The following MAN2A1 variants were observed in gnomAD, a reference collection of about 807,000 sequenced individuals.
MAN2A1 encodes the protein mannosidase alpha class 2A member 1.
MAN2A1 carries 76 observed loss-of-function variants against 142.6 expected under a neutral mutation model. The observed-to-expected ratio is 0.53, with a 90% CI of 0.44 to 0.65. MAN2A1 has a LOEUF of 0.65. Among genes scored for constraint, MAN2A1 ranks in the 30% least tolerant of loss-of-function variants. The pLI, the probability that MAN2A1 is intolerant of heterozygous loss-of-function variation, is 0.00. For missense variants in MAN2A1, 1,311 were observed against 1,365.1 expected (o/e 0.96, Z 0.62); for synonymous variants, 559 against 473.2 (o/e 1.18, Z -2.35).
chr5:109,789,877 C>T (rs1753693042), intron 12 of MAN2A1, among the ~76,000 whole-genome samples: 1 of 151,690 alleles, frequency 6.6e-6, no homozygotes, highest in Admixed American at 6.6e-5. Flanking sequence ...TCATTAATCC[C>T]TGATCCTATT....
In MAN2A1 at chr5:109,752,859, A is replaced by G. The variant is rs1015974; in HGVS notation, c.708-2470A>G. On this transcript the variant is annotated intron_variant, in intron 4 of 21. Coordinates refer to ENST00000261483, the MANE Select transcript of MAN2A1 (RefSeq NM_002372.4). ...CCCAGGCATCATGGAGGAGAAATGG[A>G]TTATTAACAAATGGAGCTGGGAAAA... Among the ~76,000 whole-genome samples, 1,717 of 152,294 alleles carry G rather than the reference A, an allele frequency of 0.011. 165 individuals carry two copies. The East Asian group carries it at 0.24, about 21-fold the overall frequency.
rs1442546937 is a variant in MAN2A1 at position 109,867,200 on chromosome 5, C to CT, written c.*211dup. ...AAAAGCCATGCTATCAATCAAGATT[C>CT]TTTTTTTTTAAACTTTCTCCCATGA... is the stretch of plus-strand genomic sequence containing the variant. On this transcript the variant is annotated 3_prime_UTR_variant, in exon 22 of 22. Coordinates refer to ENST00000261483, the MANE Select transcript of MAN2A1 (RefSeq NM_002372.4). 33 of 352,848 alleles carry CT rather than the reference C, an allele frequency of 9.4e-5. No individual in the cohort carries two copies. Among genetic ancestry groups the CT allele is most frequent in the South Asian group, 7.6e-4 (7 of 9,232 alleles). 21.9% of individuals were successfully genotyped at this position (352,848 alleles called of 1,614,324 possible). A position where few individuals can be genotyped will look rare whatever the true frequency, so the allele number is the denominator to read the frequency against.
At chr5:109,724,951 T>C (rs1337516860) in intron 3 of MAN2A1, among the ~76,000 whole-genome samples, 1 of 152,166 alleles carries the variant, frequency 6.6e-6, no homozygotes, top group African/African-American at 2.4e-5. Context: ...AGTAATAAAT[T>C]TGCATTTGTA....
intron 4 of MAN2A1, among the ~76,000 whole-genome samples, chr5:109,746,160 A>G (rs1752398737): frequency 6.6e-6 from 1 of 151,968 alleles, no homozygotes; most frequent in East Asian, 1.9e-4. Context: ...TTTTTTGTGG[A>G]GATGGGGTTT....
chr5:109,746,747 T>C (rs565492738), intron 4 of MAN2A1, among the ~76,000 whole-genome samples: 1 of 152,314 alleles, frequency 6.6e-6, no homozygotes, highest in Admixed American at 6.5e-5. Flanking sequence ...ATGCAAACTT[T>C]GTACCTGTTG....
At position 109,866,506 on chromosome 5, in the gene MAN2A1, GA is replaced by G. The variant is rs3842054; in HGVS notation, c.3283-335del. Among the ~76,000 whole-genome samples, 3 of 152,168 alleles carry G rather than the reference GA, an allele frequency of 2.0e-5. No homozygotes were observed. The East Asian group carries it at 5.8e-4, about 29-fold the overall frequency. ...GCCATTGGAGGTCCTTTCTTTTATT[GA>G]AAAAGCCCCTGTGCATGATAAAATT... On this transcript the variant is annotated intron_variant, in intron 21 of 21. Transcript: ENST00000261483.
At chr5:109,783,577 A>C (rs1353518496) in intron 9 of MAN2A1, among the ~76,000 whole-genome samples, 1 of 152,168 alleles carries the variant, frequency 6.6e-6, no homozygotes, top group African/African-American at 2.4e-5. Flanking sequence ...TCTACAGTTT[A>C]GAGAAATGCA....
intron 3 of MAN2A1, among the ~76,000 whole-genome samples, chr5:109,716,494 AAAG>A (rs1297581235): frequency 6.6e-6 from 1 of 152,242 alleles, no homozygotes; most frequent in Non-Finnish European, 1.5e-5. Context: ...AATAAACAAA[AAAG>A]AAGGGCTTGC....
chr5:109,822,499 A>C (rs1029040078), intron 15 of MAN2A1, among the ~76,000 whole-genome samples: 19 of 152,088 alleles, frequency 1.2e-4, no homozygotes, highest in Non-Finnish European at 1.5e-4. Context: ...AGTCTAGTGC[A>C]TCAGAAAAAG....
chr5:109,710,377 T>TA (rs1241407879), intron 1 of MAN2A1, among the ~76,000 whole-genome samples: 1 of 152,236 alleles, frequency 6.6e-6, no homozygotes, highest in Non-Finnish European at 1.5e-5. Flanking sequence ...TGTTGAGCTA[T>TA]AGGCAGTTTT....
intron 1 of MAN2A1, among the ~76,000 whole-genome samples, chr5:109,707,509 A>C (rs560221082): frequency 1.3e-5 from 2 of 152,246 alleles, no homozygotes; most frequent in South Asian, 4.2e-4. Context: ...GGATTCATTT[A>C]GTGAGGAAAA....
At chr5:109,719,595 C>T (rs1307404608) in intron 3 of MAN2A1, among the ~76,000 whole-genome samples, 1 of 152,038 alleles carries the variant, frequency 6.6e-6, no homozygotes, top group Non-Finnish European at 1.5e-5. Flanking sequence ...GATTTGTTTG[C>T]ATTTTCTGCA....
intron 14 of MAN2A1, 39 bp downstream of exon 14, chr5:109,819,926 T>G (rs1561528435): frequency 7.3e-7 from 1 of 1,372,492 alleles, no homozygotes; most frequent in Admixed American, 2.3e-5. Context: ...AGAATGCTTA[T>G]CATTTTTGCT....
intron 5 of MAN2A1, among the ~76,000 whole-genome samples, chr5:109,764,405 G>A (rs1232249131): frequency 1.3e-5 from 2 of 152,014 alleles, no homozygotes; most frequent in African/African-American, 4.8e-5. Flanking sequence ...TTTTTGATGA[G>A]CTTTCCAGTT....
intron 1 of MAN2A1, among the ~76,000 whole-genome samples, chr5:109,692,423 C>T (rs985874528): frequency 6.6e-6 from 1 of 152,132 alleles, no homozygotes; most frequent in Non-Finnish European, 1.5e-5. Context: ...AGTGCTTGGA[C>T]GGCCACTGAA....
At chr5:109,784,395 GAAGA>G (rs1753541953) in intron 9 of MAN2A1, among the ~76,000 whole-genome samples, 2 of 152,122 alleles carry the variant, frequency 1.3e-5, no homozygotes, top group Non-Finnish European at 2.9e-5. Context: ...CTCTTGGAGA[GAAGA>G]AAGGACAGAG....
chr5:109,845,257 G>A (rs1278940739), intron 17 of MAN2A1, among the ~76,000 whole-genome samples: 1 of 152,128 alleles, frequency 6.6e-6, no homozygotes, highest in Non-Finnish European at 1.5e-5. Flanking sequence ...TTCTCAAAAA[G>A]TAGAGTCATA....
intron 4 of MAN2A1, among the ~76,000 whole-genome samples, chr5:109,731,185 C>T (rs1561482747): frequency 1.3e-5 from 2 of 151,578 alleles, no homozygotes. Flanking sequence ...ATATCTGTCA[C>T]CTCAAACATT....
At chr5:109,698,510 T>C (rs1363506820) in intron 1 of MAN2A1, among the ~76,000 whole-genome samples, 1 of 146,892 alleles carries the variant, frequency 6.8e-6, no homozygotes, top group Non-Finnish European at 1.5e-5. Context: ...TCGAGTAGTA[T>C]TAAGGTTAGT....
Sources: allele counts gnomAD v4.1 joint callset (sites outside exome capture counted in the v4.1 genomes callset), GRCh38; gene constraint gnomAD v4.1.1; transcripts MANE v1.5; gene names NCBI Gene and HGNC (gene_info 2026-07-23, HGNC 2026-07-21).